The following PXYLP1 variants were observed in gnomAD, a reference collection of about 807,000 sequenced individuals.
PXYLP1 encodes the protein acid phosphatase-like 2.
PXYLP1 carries 17 observed loss-of-function variants against 37.9 expected under a neutral mutation model. The observed-to-expected ratio is 0.45, with a 90% confidence interval of 0.31 to 0.67. The LOEUF (loss-of-function observed/expected upper bound fraction) is 0.67, where lower values mean the gene tolerates loss of function less well. Among genes scored for constraint, PXYLP1 ranks in the 30% least tolerant of loss-of-function variants. The pLI is 0.07. For synonymous variants in PXYLP1, 221 were observed against 232.2 expected (o/e 0.95, Z 0.44); for missense variants, 511 against 612.0 (o/e 0.84, Z 1.74).
At chr3:141,233,799 A>G (rs1251493579) in intron 1 of PXYLP1, among the ~76,000 whole-genome samples, 1 of 152,188 alleles carries the variant, frequency 6.6e-6, no homozygotes, top group African/African-American at 2.4e-5. Flanking sequence ...CAGCTTGAAT[A>G]GTTAGCTCAA....
At chr3:141,271,926 G>T (rs973653691) in intron 2 of PXYLP1, among the ~76,000 whole-genome samples, 7 of 152,250 alleles carry the variant, frequency 4.6e-5, no homozygotes, top group African/African-American at 1.7e-4. Context: ...AGGAGGATGG[G>T]TCTGTCGCCA....
chr3:141,291,184 T>G (rs1942195706), intron 5 of PXYLP1, among the ~76,000 whole-genome samples: 1 of 152,188 alleles, frequency 6.6e-6, no homozygotes, highest in African/African-American at 2.4e-5. Context: ...GCAGTGGGAC[T>G]TTTCATACTG....
chr3:141,235,150 G>A (rs552482116), intron 1 of PXYLP1: 1 of 152,340 alleles, frequency 6.6e-6, no homozygotes, highest in African/African-American at 2.4e-5. Context: ...GGGGTTACCA[G>A]TTAGGAGCAA....
At chr3:141,246,368 A>G (rs1263047139) in intron 1 of PXYLP1, among the ~76,000 whole-genome samples, 2 of 152,218 alleles carry the variant, frequency 1.3e-5, no homozygotes, top group African/African-American at 4.8e-5. Context: ...TTGATTACAT[A>G]ATGAATAGTG....
In PXYLP1 at chr3:141,292,516, C is replaced by T. The variant is rs1233654117; in HGVS notation, c.754C>T (p.Gln252Ter). 1 of 1,614,226 alleles carries T rather than the reference C, an allele frequency of 6.2e-7. No individual in the cohort carries two copies. Among genetic ancestry groups the T allele is most frequent in the South Asian group, 1.1e-5 (1 of 91,084 alleles). ...AAGCTGCTATTGCCCGGTAAGAAAC[C>T]AGTATCTGGAAAAGGAGCAGCGTCG... ...SGSCYCPVRN[Q>*]YLEKEQRRQY... The change falls in exon 6 of 6, where the codon CAG becomes TAG. Residue 252 changes from glutamine to a stop codon, truncating the protein, a stop_gained. Coordinates refer to ENST00000286353, the MANE Select transcript of PXYLP1 (RefSeq NM_001037172.3). LOFTEE classifies it high-confidence loss of function. The surrounding 1 kb of genome is among the most constrained non-coding windows in gnomAD (Gnocchi z 4.3).
In PXYLP1 at chr3:141,294,592, A is replaced by T. The variant is rs1942306884; in HGVS notation, c.*1387A>T. ...TCTCTTTGTTTTTGTCCAGTGTTGCATTTGAATATGTCTGTTTCTATAAAT... is the reference window on the plus strand; with the variant it reads ...TCTCTTTGTTTTTGTCCAGTGTTGCTTTTGAATATGTCTGTTTCTATAAAT... On this transcript the variant is annotated 3_prime_UTR_variant, in exon 6 of 6. Transcript: ENST00000286353. The T allele has an allele frequency of 6.6e-6, 1 of 152,184 alleles. No individual in the cohort carries two copies. Among genetic ancestry groups the T allele is most frequent in the African/African-American group, 2.4e-5 (1 of 41,450 alleles). 9.4% of individuals were successfully genotyped at this position (152,184 alleles called of 1,614,324 possible).
intron 1 of PXYLP1, chr3:141,234,152 GTTTTT>G (rs11360224): frequency 6.8e-6 from 1 of 146,776 alleles, no homozygotes; most frequent in Non-Finnish European, 1.5e-5. Flanking sequence ...AAATTCAACA[GTTTTT>G]TTTTTTTAAT....
chr3:141,283,721 T>A (rs1381564646), intron 4 of PXYLP1, among the ~76,000 whole-genome samples: 1 of 151,910 alleles, frequency 6.6e-6, no homozygotes, highest in Non-Finnish European at 1.5e-5. Context: ...TGTATGCTCT[T>A]TTGGATTGTG....
intron 1 of PXYLP1, among the ~76,000 whole-genome samples, chr3:141,248,253 G>A (rs1332884180): frequency 6.6e-6 from 1 of 151,680 alleles, no homozygotes; most frequent in African/African-American, 2.4e-5. Flanking sequence ...GGCTGGTCTC[G>A]AACTCCTGAC....
In PXYLP1 at chr3:141,231,849, T is replaced by G. The variant is rs1446678185; in HGVS notation, c.-116T>G. 2.0e-5 allele frequency: 3 copies of G among 150,402 alleles called. No homozygotes were observed. The highest frequency in any genetic ancestry group is 4.4e-5 in the Non-Finnish European group (3 of 67,478). The allele number at this position is 150,402 out of a possible 1,614,324, so 9.3% of individuals were successfully genotyped here. On this transcript the variant is annotated 5_prime_UTR_variant, in exon 1 of 6. Coordinates refer to ENST00000286353, the MANE Select transcript of PXYLP1 (RefSeq NM_001037172.3). The surrounding 1 kb of genome is among the most constrained non-coding windows in gnomAD (Gnocchi z 4.4). ...CGCCTCCCCTCGCGCCGGGAGGAGC[T>G]GGCGGCGAGCGCCGAGCCGGGCGCG...
chr3:141,268,765 T>G (rs1410678668), intron 2 of PXYLP1, among the ~76,000 whole-genome samples: 2 of 152,158 alleles, frequency 1.3e-5, no homozygotes, highest in East Asian at 3.9e-4. Flanking sequence ...CTCCTGCCAG[T>G]GCGGCTGTCA....
intron 2 of PXYLP1, among the ~76,000 whole-genome samples, chr3:141,268,414 C>T (rs77887823): frequency 0.028 from 4,246 of 152,224 alleles, 191 homozygotes; most frequent in African/African-American, 0.095. Context: ...GCAGGGAGAG[C>T]GCGAGGCCAG....
rs528214961 is a variant in PXYLP1 at position 141,232,739 on chromosome 3, C to G, written c.-54+828C>G. ...TTGCCTGCTTTGCAGCCGCAGCTGC[C>G]TTTTAAATTGTACCTGTGGATGGTA... On this transcript the variant is annotated intron_variant, in intron 1 of 5. Coordinates refer to ENST00000286353, the MANE Select transcript of PXYLP1 (RefSeq NM_001037172.3). 9.2e-5 allele frequency among the ~76,000 whole-genome samples: 14 copies of G among 152,288 alleles called. No individual in the cohort carries two copies. In the South Asian group the frequency reaches 1.9e-3, roughly 20 times the overall value.
chr3:141,270,688 A>C (rs1941640192), intron 2 of PXYLP1, among the ~76,000 whole-genome samples: 1 of 152,200 alleles, frequency 6.6e-6, no homozygotes, highest in Non-Finnish European at 1.5e-5. Context: ...AGATAAGCTG[A>C]ATGTATTTAA....
chr3:141,241,422 G>A (rs754248457), intron 1 of PXYLP1, among the ~76,000 whole-genome samples: 3 of 151,884 alleles, frequency 2.0e-5, no homozygotes, highest in Non-Finnish European at 2.9e-5. Context: ...TGAGTCTGTC[G>A]TGTTGATGAG....
chr3:141,248,899 A>AGTGT (rs59309377), intron 1 of PXYLP1, among the ~76,000 whole-genome samples: 2,485 of 99,786 alleles, frequency 0.025, 480 homozygotes, highest in African/African-American at 0.11. Flanking sequence ...AGACAGAGTG[A>AGTGT]GTGTGTGTGT....
At chr3:141,278,619 T>C in intron 3 of PXYLP1, 119 bp downstream of exon 3, 3 of 1,337,946 alleles carry the variant, frequency 2.2e-6, no homozygotes, top group Non-Finnish European at 3.1e-6. Flanking sequence ...GCCACCAGGC[T>C]GTGCCCTTGA....
intron 2 of PXYLP1, among the ~76,000 whole-genome samples, chr3:141,271,229 A>G (rs1941655269): frequency 6.6e-6 from 1 of 152,220 alleles, no homozygotes; most frequent in African/African-American, 2.4e-5. Flanking sequence ...TCACACAGCT[A>G]GGAGGTAACA....
At chr3:141,252,580 C>T (rs1167859495) in intron 1 of PXYLP1, among the ~76,000 whole-genome samples, 1 of 152,184 alleles carries the variant, frequency 6.6e-6, no homozygotes, top group Admixed American at 6.5e-5. Context: ...CGGCACCAAA[C>T]CATTCATGCG....
Sources: allele counts gnomAD v4.1 joint callset (sites outside exome capture counted in the v4.1 genomes callset), GRCh38; gene constraint gnomAD v4.1.1; non-coding constraint Gnocchi (gnomAD v3.1); transcripts MANE v1.5; gene names NCBI Gene and HGNC (gene_info 2026-07-23, HGNC 2026-07-21).